Variants in RBFOX1 observed in about 807,000 individuals in gnomAD.
The protein encoded by RBFOX1 is RNA binding protein fox-1 homolog 1.
Under a neutral mutation model 57.7 loss-of-function variants are expected in RBFOX1, and 8 were observed. The observed-to-expected ratio is 0.14, with a 90% CI of 0.08 to 0.25. RBFOX1 has a LOEUF of 0.25. RBFOX1 is among the 10% of genes least tolerant of loss of function. RBFOX1 has a pLI of 1.00. For missense variants in RBFOX1, 611 were observed against 548.5 expected, an observed-to-expected ratio of 1.11 and a Z score of -1.14; for synonymous variants, 326 against 222.4, an observed-to-expected ratio of 1.47 and a Z score of -4.15.
chr16:6,704,462 C>G (rs965460234), intron 3 of RBFOX1: 3 of 152,298 alleles, frequency 2.0e-5, no homozygotes, highest in South Asian at 2.1e-4. Flanking sequence ...TCAGGACTTT[C>G]CTCTTCACAG....
At chr16:5,846,536 G>C (rs2056762443) in intron 3 of RBFOX1, among the ~76,000 whole-genome samples, 2 of 152,176 alleles carry the variant, frequency 1.3e-5, no homozygotes, top group Non-Finnish European at 2.9e-5. Context: ...GGTAGATGGA[G>C]GAATGGAGGC....
At chr16:5,920,867 G>A (rs2058805451) in intron 4 of RBFOX1, among the ~76,000 whole-genome samples, 1 of 141,006 alleles carries the variant, frequency 7.1e-6, no homozygotes, top group Non-Finnish European at 1.6e-5. Context: ...GATCTTAAAG[G>A]AAAAGCACAG....
chr16:5,438,595 A>C (rs1037591612), intron 1 of RBFOX1, among the ~76,000 whole-genome samples: 1 of 152,066 alleles, frequency 6.6e-6, no homozygotes, highest in African/African-American at 2.4e-5. Flanking sequence ...GCAGCCCCCT[A>C]CTTGATTCTA....
intron 4 of RBFOX1, among the ~76,000 whole-genome samples, chr16:7,128,479 G>T (rs2069220777): frequency 1.3e-5 from 2 of 152,274 alleles, no homozygotes; most frequent in South Asian, 4.1e-4. Flanking sequence ...GGATAGTTCG[G>T]TTCTGTACGT....
At chr16:6,048,634 A>C (rs1344057848) in intron 1 of RBFOX1, among the ~76,000 whole-genome samples, 2 of 152,146 alleles carry the variant, frequency 1.3e-5, no homozygotes, top group African/African-American at 4.8e-5. Context: ...GCAAACCCTT[A>C]AAATTTAGCT....
chr16:6,521,750 A>G (rs1477683982), intron 2 of RBFOX1, among the ~76,000 whole-genome samples: 1 of 152,184 alleles, frequency 6.6e-6, no homozygotes, highest in Non-Finnish European at 1.5e-5. Context: ...TTGACTTTAG[A>G]TACGCTTTGT....
chr16:6,421,730 G>T (rs12931343), intron 2 of RBFOX1, among the ~76,000 whole-genome samples: 11 of 151,810 alleles, frequency 7.2e-5, no homozygotes, highest in Non-Finnish European at 1.5e-4. Context: ...CATCGTGAAG[G>T]GGCTTCTCCA....
chr16:7,304,044 C>A (rs113420304), intron 4 of RBFOX1, among the ~76,000 whole-genome samples: 4 of 151,996 alleles, frequency 2.6e-5, no homozygotes, highest in African/African-American at 9.6e-5. Flanking sequence ...GCCAGACGAC[C>A]GCGCGAAGGG....
intron 2 of RBFOX1, among the ~76,000 whole-genome samples, chr16:6,395,907 A>AT (rs2092810471): frequency 6.6e-6 from 1 of 151,902 alleles, no homozygotes; most frequent in Non-Finnish European, 1.5e-5. Flanking sequence ...CTCTGCTAAA[A>AT]TACAAAAAAT....
At chr16:5,537,725 G>C (rs1392054176) in intron 2 of RBFOX1, among the ~76,000 whole-genome samples, 1 of 152,062 alleles carries the variant, frequency 6.6e-6, no homozygotes, top group African/African-American at 2.4e-5. Context: ...TCATTTCTTT[G>C]ACTTTTCTCA....
chr16:6,679,262 A>G (rs1489475941), intron 3 of RBFOX1, among the ~76,000 whole-genome samples: 1 of 152,080 alleles, frequency 6.6e-6, no homozygotes, highest in Non-Finnish European at 1.5e-5. Context: ...GACACGTAAA[A>G]AAGTGAGCTT....
intron 4 of RBFOX1, among the ~76,000 whole-genome samples, chr16:5,870,469 A>G (rs2057443631): frequency 6.6e-6 from 1 of 151,668 alleles, no homozygotes; most frequent in Non-Finnish European, 1.5e-5. Context: ...GAATGGTCAG[A>G]TGGTCATGGT....
At chr16:6,610,205 G>C (rs892647709) in intron 2 of RBFOX1, among the ~76,000 whole-genome samples, 1 of 152,162 alleles carries the variant, frequency 6.6e-6, no homozygotes, top group Non-Finnish European at 1.5e-5. Flanking sequence ...TCTGCTGAGA[G>C]TGCATCTATG....
intron 3 of RBFOX1, among the ~76,000 whole-genome samples, chr16:6,861,899 A>G (rs994726013): frequency 3.6e-5 from 5 of 138,624 alleles, no homozygotes; most frequent in Non-Finnish European, 7.5e-5. Context: ...TGTCGTTAAC[A>G]TTAACAAGAG....
chr16:6,817,940 G>T (rs903713711), intron 3 of RBFOX1, among the ~76,000 whole-genome samples: 12 of 152,244 alleles, frequency 7.9e-5, no homozygotes, highest in Non-Finnish European at 1.8e-4. Context: ...GTGTCTCTCT[G>T]TTGGGCTTCA....
chr16:6,497,542 C>T (rs1294844378), intron 2 of RBFOX1, among the ~76,000 whole-genome samples: 2 of 148,586 alleles, frequency 1.3e-5, no homozygotes, highest in African/African-American at 5.0e-5. Context: ...AAATCCTTTA[C>T]ACCGATTTTT....
chr16:5,896,459 C>G (rs1459453376), intron 4 of RBFOX1, among the ~76,000 whole-genome samples: 1 of 152,186 alleles, frequency 6.6e-6, no homozygotes, highest in Non-Finnish European at 1.5e-5. Context: ...TTTGCTTCCT[C>G]TCTTGCCATG....
intron 1 of RBFOX1, among the ~76,000 whole-genome samples, chr16:6,276,882 C>G (rs1055094787): frequency 6.6e-6 from 1 of 151,850 alleles, no homozygotes; most frequent in Non-Finnish European, 1.5e-5. Flanking sequence ...AAGGACCATG[C>G]TCATTTTATT....
intron 3 of RBFOX1, among the ~76,000 whole-genome samples, chr16:6,895,885 T>A (rs2066780947): frequency 6.6e-6 from 1 of 151,988 alleles, no homozygotes; most frequent in Admixed American, 6.6e-5. Context: ...CTCATCCTCT[T>A]ATGTCATCTT....
Sources: allele counts gnomAD v4.1 joint callset (sites outside exome capture counted in the v4.1 genomes callset), GRCh38; gene constraint gnomAD v4.1.1; transcripts MANE v1.5; gene names NCBI Gene and HGNC (gene_info 2026-07-23, HGNC 2026-07-21).